The following ZIC4 variants were observed in gnomAD, a reference collection of about 807,000 sequenced individuals.
ZIC4 encodes the protein Zic family zinc finger 4.
In ZIC4, 15 loss-of-function variants were observed where a neutral mutation model predicts 28.8. That is an observed-to-expected ratio of 0.52 (90% CI 0.35 to 0.80). The LOEUF (loss-of-function observed/expected upper bound fraction) is 0.80. Among genes scored for constraint, ZIC4 ranks in the 30% least tolerant of loss-of-function variants. The pLI is 0.01. For synonymous variants in ZIC4, 220 were observed against 198.1 expected, an observed-to-expected ratio of 1.11 and a Z score of -0.93; for missense variants, 512 against 467.1, an observed-to-expected ratio of 1.10 and a Z score of -0.89.
At position 147,391,049 on chromosome 3, in the gene ZIC4, A is replaced by T; in HGVS notation, c.886T>A (p.Ser296Thr). Residue 296 changes from serine (S) to threonine (T), a missense_variant, in exon 4 of 5, where the codon TCT (serine) becomes ACT (threonine). This residue lies in a region of ZIC4 where 144 missense variants were observed against 116.8 expected (regional missense o/e 1.23). Transcript: ENST00000383075. ...KVHGRSPPPSSGYDSATPSAL... is the reference protein window; with the variant it reads ...KVHGRSPPPSTGYDSATPSAL... Reference sequence around the variant, plus strand: ...GACGGTGTAGCCGAATCGTAGCCAGAGCTGGGCGGCGGCGAGCGCCCGTGC... The same window carrying T: ...GACGGTGTAGCCGAATCGTAGCCAGTGCTGGGCGGCGGCGAGCGCCCGTGC... 6.2e-7 allele frequency: 1 copy of T among 1,613,930 alleles called. No homozygotes were observed. The highest frequency in any genetic ancestry group is 1.1e-5 in the South Asian group (1 of 91,074).
intron 2 of ZIC4, among the ~76,000 whole-genome samples, chr3:147,397,948 C>A (rs1290977901): frequency 6.6e-6 from 1 of 152,118 alleles, no homozygotes; most frequent in Non-Finnish European, 1.5e-5. Context: ...CTTGCAGGCC[C>A]CTCCTCCCCG....
intron 1 of ZIC4, chr3:147,405,222 T>A: frequency 1.4e-6 from 1 of 731,250 alleles, no homozygotes; most frequent in Non-Finnish European, 2.2e-6. Context: ...GAATAGAGTT[T>A]GTATCAGTAG....
chr3:147,400,887 T>C (rs2107981402), intron 2 of ZIC4, among the ~76,000 whole-genome samples: 1 of 152,332 alleles, frequency 6.6e-6, no homozygotes, highest in East Asian at 1.9e-4. Context: ...CATCTCACTA[T>C]ACCTGCCCCC....
chr3:147,386,883 A>C lies in ZIC4; in HGVS notation c.*1976T>G, dbSNP rs1351828466. 1 of 152,236 alleles carries C rather than the reference A, an allele frequency of 6.6e-6. No individual in the cohort carries two copies. The allele number at this position is 152,236 out of a possible 1,614,324, so 9.4% of individuals were successfully genotyped here. A position where few individuals can be genotyped will look rare whatever the true frequency, so the allele number is the denominator to read the frequency against. ...GGGCTTGTTGATTGCTGCTAGTGAG[A>C]AGAAACACACAATGGGTCTATTTTT... On this transcript the variant is annotated 3_prime_UTR_variant, in exon 5 of 5. Transcript: ENST00000383075.
rs778465595 is a variant in ZIC4, at chr3:147,395,934, C to T, written c.606G>A (p.Lys202=). Residue 202 remains lysine (K), a synonymous_variant, in exon 3 of 5, where the codon AAG becomes AAA. Transcript: ENST00000383075. ...ACCCCGGGAAAGGACAAGGGAAGGG[C>T]TTCTCGCCCGTGTGCACGCGGATGT... ...VNHIRVHTGE[K]PFPCPFPGCG... is the part of the protein sequence containing the mutation. The T allele has an allele frequency of 6.2e-7, 1 of 1,614,242 alleles. No homozygotes were observed.
chr3:147,397,991 A>C (rs1425269153), intron 2 of ZIC4, among the ~76,000 whole-genome samples: 6 of 151,946 alleles, frequency 3.9e-5, no homozygotes, highest in Non-Finnish European at 7.4e-5. Flanking sequence ...GCGAAACTCA[A>C]GGATCTGGCC....
At chr3:147,389,169 TC>T in intron 4 of ZIC4, 1 of 416,380 alleles carries the variant, frequency 2.4e-6, no homozygotes, top group Non-Finnish European at 4.3e-6. Flanking sequence ...GGAATTTCAG[TC>T]CCCCTTTCTC....
chr3:147,393,580 C>T (rs993283256), intron 3 of ZIC4: 1 of 277,638 alleles, frequency 3.6e-6, no homozygotes, highest in Non-Finnish European at 7.1e-6. Flanking sequence ...GGCCTCCTCT[C>T]CGACCCTGAG....
chr3:147,388,817 G>T lies in ZIC4; in HGVS notation c.*42C>A. ...GCAGGCGCGAGATGCGGGGCGCTCA[G>T]CTGCGCGGAGCGAGATTACCTTGCG... is the stretch of plus-strand genomic sequence containing the variant. On this transcript the variant is annotated 3_prime_UTR_variant, in exon 5 of 5. Transcript: ENST00000383075. 1.3e-6 allele frequency: 1 copy of T among 776,428 alleles called. No homozygotes were observed. Among genetic ancestry groups the T allele is most frequent in the Non-Finnish European group, 2.4e-6 (1 of 416,886 alleles). 48.1% of individuals were successfully genotyped at this position (776,428 alleles called of 1,614,324 possible). A position where few individuals can be genotyped will look rare whatever the true frequency, so the allele number is the denominator to read the frequency against.
chr3:147,405,332 G>T, intron 1 of ZIC4: 1 of 1,501,540 alleles, frequency 6.7e-7, no homozygotes. Flanking sequence ...GGTGTGGGTC[G>T]CTGCGAGGAC....
intron 3 of ZIC4, chr3:147,392,300 G>T: frequency 3.0e-6 from 3 of 985,780 alleles, no homozygotes; most frequent in Non-Finnish European, 3.6e-6. Context: ...CCACCAGGCG[G>T]CTGGCATAGG....
In ZIC4 at chr3:147,388,781, C is replaced by G; in HGVS notation, c.*78G>C. ...AAGAAACACTGCTTTGTGCGCGGGCCCTTTGATGTAGCAGGCGCGAGATGC... is the reference window on the plus strand; with the variant it reads ...AAGAAACACTGCTTTGTGCGCGGGCGCTTTGATGTAGCAGGCGCGAGATGC... On this transcript the variant is annotated 3_prime_UTR_variant, in exon 5 of 5. Transcript: ENST00000383075. The G allele has an allele frequency of 1.3e-6, 1 of 758,640 alleles. No homozygotes were observed. Among genetic ancestry groups the G allele is most frequent in the Admixed American group, 1.9e-5 (1 of 53,020 alleles). The allele number at this position is 758,640 out of a possible 1,614,324, so 47.0% of individuals were successfully genotyped here.
At chr3:147,405,572 G>A (rs1434458850) in intron 1 of ZIC4, 1 of 1,276,102 alleles carries the variant, frequency 7.8e-7, no homozygotes, top group Non-Finnish European at 1.1e-6. Context: ...AATGCCCCTG[G>A]GTCTAGGCTA....
In ZIC4 at chr3:147,402,745, T is replaced by G. The variant is rs1472576335; in HGVS notation, c.53A>C (p.Asn18Thr). The G allele has an allele frequency of 1.2e-6, 2 of 1,613,856 alleles. No homozygotes were observed. Among genetic ancestry groups the G allele is most frequent in the Non-Finnish European group, 1.7e-6 (2 of 1,179,896 alleles). ...VMRKRLRLYRNTLKESSSSSG... is the reference protein window; with the variant it reads ...VMRKRLRLYRTTLKESSSSSG... ...TAACTTACTTGACTCTTTAAGAGTG[T>G]TTCGGTAAAGCCGTAATCGTTTCCT... is the stretch of plus-strand genomic sequence containing the variant. Residue 18 changes from asparagine (N) to threonine (T), a missense_variant, in exon 2 of 5, where the codon AAC becomes ACC. Asn to Thr is a moderately conservative substitution (Grantham distance 65). Transcript: ENST00000383075.
At chr3:147,399,557 A>G (rs371005461) in intron 2 of ZIC4, among the ~76,000 whole-genome samples, 7 of 152,302 alleles carry the variant, frequency 4.6e-5, no homozygotes, top group Admixed American at 2.0e-4. Context: ...TATTTCGGCA[A>G]TTAAAATTTT....
chr3:147,405,508 C>G lies in ZIC4; in HGVS notation c.-16+855G>C, dbSNP rs78494995. On this transcript the variant is annotated intron_variant, in intron 1 of 4. Transcript: ENST00000383075. ...TTCAGATCCAACCTTTGAGCCAGTCCTAGCTTTCTTTCACAGCTCAGCTCT... is the reference window on the plus strand; with the variant it reads ...TTCAGATCCAACCTTTGAGCCAGTCGTAGCTTTCTTTCACAGCTCAGCTCT... The G allele has an allele frequency of 2.4e-4, 371 of 1,533,232 alleles. No individual in the cohort carries two copies. In the African/African-American group the frequency reaches 4.7e-3, roughly 20 times the overall value. The allele number at this position is 1,533,232 out of a possible 1,614,324, so 95.0% of individuals were successfully genotyped here. A position where few individuals can be genotyped will look rare whatever the true frequency, so the allele number is the denominator to read the frequency against.
At chr3:147,399,922 T>G (rs1393698940) in intron 2 of ZIC4, among the ~76,000 whole-genome samples, 1 of 152,140 alleles carries the variant, frequency 6.6e-6, no homozygotes, top group Non-Finnish European at 1.5e-5. Context: ...CACTTCGGCC[T>G]CCCACAGTGC....
intron 1 of ZIC4, among the ~76,000 whole-genome samples, chr3:147,404,807 G>T (rs966535497): frequency 3.3e-5 from 5 of 152,200 alleles, no homozygotes; most frequent in African/African-American, 1.2e-4. Flanking sequence ...GCTGCAAATT[G>T]TGGGGCCGAC....
At chr3:147,405,628 T>C in intron 1 of ZIC4, 1 of 775,116 alleles carries the variant, frequency 1.3e-6, no homozygotes, top group Non-Finnish European at 2.1e-6. Flanking sequence ...AGAGAGCTAG[T>C]TGCTGCTCTT....
Sources: gnomAD v4.1 joint callset for allele counts (sites outside exome capture counted in the v4.1 genomes callset) on GRCh38, gnomAD v4.1.1 for gene constraint, gnomAD v4.1.1 regional missense constraint, MANE v1.5 for transcripts, NCBI Gene and HGNC (gene_info 2026-07-23, HGNC 2026-07-21) for gene names.